The following RGPD2 variants were observed in gnomAD, a reference collection of about 807,000 sequenced individuals.
The protein encoded by RGPD2 is RANBP2 like and GRIP domain containing 2.
A neutral mutation model predicts 36.0 loss-of-function variants in RGPD2; 2 were observed. That is an observed-to-expected ratio of 0.06 (90% CI 0.02 to 0.17). The LOEUF (loss-of-function observed/expected upper bound fraction) is 0.17, where lower values mean the gene tolerates loss of function less well. Ranked by LOEUF, RGPD2 falls within the 10% of genes least tolerant of loss-of-function variation. RGPD2 has a pLI of 1.00. For missense variants in RGPD2, 40 were observed against 464.3 expected (o/e 0.09, Z 8.40); for synonymous variants, 19 against 163.8 (o/e 0.12, Z 6.75).
the RGPD2 span, among the ~76,000 whole-genome samples, chr2:87,935,620 G>T: frequency 1.3e-5 from 2 of 151,092 alleles, no homozygotes; most frequent in African/African-American, 4.9e-5. Context: ...ATATTTTTGT[G>T]GAGACTGGAT....
chr2:87,933,044 GT>G, the RGPD2 span, among the ~76,000 whole-genome samples: 1 of 126,588 alleles, frequency 7.9e-6, no homozygotes, highest in Non-Finnish European at 1.7e-5. Context: ...TCTGAAATAT[GT>G]TTTCTAAGTT....
the RGPD2 span, among the ~76,000 whole-genome samples, chr2:87,976,780 TA>T: frequency 4.1e-5 from 6 of 146,880 alleles, no homozygotes; most frequent in South Asian, 1.1e-3. Flanking sequence ...GTTTTCAATC[TA>T]TATGGGGGGC....
chr2:87,988,430 A>AT, the RGPD2 span, among the ~76,000 whole-genome samples: 1 of 124,338 alleles, frequency 8.0e-6, no homozygotes, highest in East Asian at 2.4e-4. Context: ...ATTACAGAAA[A>AT]AAAACATTAA....
the RGPD2 span, among the ~76,000 whole-genome samples, chr2:87,881,432 G>C: frequency 6.6e-6 from 1 of 152,166 alleles, no homozygotes; most frequent in African/African-American, 2.4e-5. Flanking sequence ...GGGGACCCAG[G>C]CTTTCTCAAA....
intron 8 of RGPD2, among the ~76,000 whole-genome samples, chr2:87,798,773 G>A (rs1477485355): frequency 8.0e-6 from 1 of 125,238 alleles, no homozygotes; most frequent in African/African-American, 2.8e-5. Flanking sequence ...GAGGCTGAGG[G>A]AGGAGAATGG....
At chr2:87,919,797 A>G in the RGPD2 span, among the ~76,000 whole-genome samples, 1 of 148,500 alleles carries the variant, frequency 6.7e-6, no homozygotes, top group African/African-American at 2.5e-5. Flanking sequence ...TAAGCACTTT[A>G]CATATATAAT....
At chr2:87,922,292 C>CAAAAAAAAAAAAAAAAAAAAAAAAAAA in the RGPD2 span, among the ~76,000 whole-genome samples, 1 of 84,694 alleles carries the variant, frequency 1.2e-5, no homozygotes. Flanking sequence ...GACTTCGTCT[C>CAAAAAAAAAAAAAAAAAAAAAAAAAAA]AAAAAAAAAA....
At chr2:87,907,028 T>C in the RGPD2 span, among the ~76,000 whole-genome samples, 17 of 56,244 alleles carry the variant, frequency 3.0e-4, 5 homozygotes, top group Non-Finnish European at 5.2e-4. Flanking sequence ...TGTCCAACAA[T>C]GATAGACTGG....
chr2:87,876,003 G>A, the RGPD2 span, among the ~76,000 whole-genome samples: 38 of 151,404 alleles, frequency 2.5e-4, no homozygotes, highest in African/African-American at 8.8e-4. Context: ...TTTCATAGAG[G>A]TGTTTGCAGT....
At chr2:87,957,309 T>C in the RGPD2 span, among the ~76,000 whole-genome samples, 1 of 147,282 alleles carries the variant, frequency 6.8e-6, no homozygotes, top group Non-Finnish European at 1.5e-5. Context: ...TCTCTCTCTC[T>C]TTCTGCCAGC....
the RGPD2 span, among the ~76,000 whole-genome samples, chr2:87,973,693 TAA>T: frequency 3.6e-4 from 38 of 105,436 alleles, no homozygotes; most frequent in African/African-American, 8.5e-4. Flanking sequence ...GTGAACCAGC[TAA>T]AAAAAAAAAA....
chr2:87,843,985 T>C, the RGPD2 span, among the ~76,000 whole-genome samples: 1 of 151,748 alleles, frequency 6.6e-6, no homozygotes, highest in Non-Finnish European at 1.5e-5. Flanking sequence ...CACCGCATAT[T>C]CTCACTCATA....
chr2:87,824,862 G>GGCCGAGGCCGAC (rs1686625691), intron 1 of RGPD2: 1 of 37,488 alleles, frequency 2.7e-5, no homozygotes, highest in Non-Finnish European at 5.4e-5. Flanking sequence ...CCGAGGCCGA[G>GGCCGAGGCCGAC]GCCGCCGCCG....
chr2:87,873,216 C>T, the RGPD2 span, among the ~76,000 whole-genome samples: 1 of 148,772 alleles, frequency 6.7e-6, no homozygotes, highest in Admixed American at 6.6e-5. Flanking sequence ...TGTATATGTA[C>T]CATATTTTCT....
the RGPD2 span, among the ~76,000 whole-genome samples, chr2:87,915,439 G>GTA: frequency 2.2e-5 from 3 of 135,766 alleles, no homozygotes; most frequent in African/African-American, 5.5e-5. Context: ...ATATGTATGT[G>GTA]TATATATATA....
the RGPD2 span, among the ~76,000 whole-genome samples, chr2:87,902,363 G>C: frequency 2.0e-5 from 3 of 151,492 alleles, no homozygotes; most frequent in Admixed American, 6.6e-5. Context: ...TCCTCCAGGT[G>C]GTAGCATTTA....
chr2:87,894,622 C>A, the RGPD2 span, among the ~76,000 whole-genome samples: 3 of 151,998 alleles, frequency 2.0e-5, no homozygotes, highest in Non-Finnish European at 4.4e-5. Flanking sequence ...CAGCAATTAG[C>A]AAGATTAAGT....
upstream of RGPD2, among the ~76,000 whole-genome samples, chr2:87,827,276 G>A (rs1352273040): frequency 6.6e-6 from 1 of 152,252 alleles, no homozygotes; most frequent in Non-Finnish European, 1.5e-5. Flanking sequence ...GAGGTTTATG[G>A]TTAGCAAAAA....
the RGPD2 span, among the ~76,000 whole-genome samples, chr2:87,848,838 G>C: frequency 1.4e-5 from 2 of 142,012 alleles, no homozygotes; most frequent in Non-Finnish European, 3.1e-5. Context: ...TTTAAAAAGG[G>C]TGGAAAATAA....
Sources: allele counts gnomAD v4.1 joint callset (sites outside exome capture counted in the v4.1 genomes callset), GRCh38; gene constraint gnomAD v4.1.1; transcripts MANE v1.5; gene names NCBI Gene and HGNC (gene_info 2026-07-23, HGNC 2026-07-21).